Variants in MELTF observed in about 807,000 individuals in gnomAD.
MELTF encodes antigen p97 (melanoma associated) identified by monoclonal antibodies 133.2 and 96.5.
A neutral mutation model predicts 83.7 loss-of-function variants in MELTF; 67 were observed. That is an observed-to-expected ratio of 0.80 (90% confidence interval 0.66 to 0.98). MELTF has a LOEUF of 0.98. Among genes scored for constraint, MELTF ranks in the 50% least tolerant of loss-of-function variants. The pLI is 0.00. For missense variants in MELTF, 1,002 were observed against 1,035.6 expected, an observed-to-expected ratio of 0.97 and a Z score of 0.44; for synonymous variants, 462 against 447.6, an observed-to-expected ratio of 1.03 and a Z score of -0.41.
chr3:197,009,738 C>T lies in MELTF; in HGVS notation c.1405G>A (p.Glu469Lys). Residue 469 changes from glutamate (E) to lysine (K), a missense_variant, in exon 11 of 16, where the codon GAG becomes AAG. Coordinates refer to ENST00000296350, the MANE Select transcript of MELTF (RefSeq NM_005929.6). ...RDSSHAFTLD[E>K]LRGKRSCHAG... ...TGGCAGGAGCGCTTGCCCCGAAGCT[C>T]ATCCAAGGTGAAGGCGTGGGAGCTG... 6.2e-7 allele frequency: 1 copy of T among 1,613,598 alleles called. No individual in the cohort carries two copies. The highest frequency in any genetic ancestry group is 8.5e-7 in the Non-Finnish European group (1 of 1,180,028).
At chr3:197,020,715 C>A (rs1375349202) in intron 6 of MELTF, among the ~76,000 whole-genome samples, 1 of 151,970 alleles carries the variant, frequency 6.6e-6, no homozygotes, top group Non-Finnish European at 1.5e-5. Context: ...TGTCACCAGG[C>A]TGGAGTGCAG....
chr3:197,009,519 G>T, intron 11 of MELTF, 99 bp downstream of exon 11: 2 of 1,238,136 alleles, frequency 1.6e-6, no homozygotes, highest in Non-Finnish European at 2.3e-6. Context: ...CAGAAGCCTG[G>T]CCACCTTCCA....
In MELTF at chr3:197,007,416, C is replaced by G. The variant is rs1719018189; in HGVS notation, c.1751-680G>C. Among the ~76,000 whole-genome samples the G allele has an allele frequency of 6.6e-6, 1 of 152,202 alleles. No homozygotes were observed. The highest frequency in any genetic ancestry group is 1.5e-5 in the Non-Finnish European group (1 of 68,040). On this transcript the variant is annotated intron_variant, in intron 13 of 15. Transcript: ENST00000296350. The surrounding 1 kb of genome is among the most constrained non-coding windows in gnomAD (Gnocchi z 4.3). ...TTAGTATCCATCCTCCTCCCATTTCCAGGAAATCCAGGTGGGCCTTGAGGA... is the reference window on the plus strand; with the variant it reads ...TTAGTATCCATCCTCCTCCCATTTCGAGGAAATCCAGGTGGGCCTTGAGGA...
Position 197,002,733 on chromosome 3 carries a change from C to G in MELTF, c.*639G>C, listed in dbSNP as rs912336275. 1.3e-5 allele frequency: 2 copies of G among 152,294 alleles called. No homozygotes were observed. The highest frequency in any genetic ancestry group is 4.8e-5 in the African/African-American group (2 of 41,454). 9.4% of individuals were successfully genotyped at this position (152,294 alleles called of 1,614,324 possible). A position where few individuals can be genotyped will look rare whatever the true frequency, so the allele number is the denominator to read the frequency against. On this transcript the variant is annotated 3_prime_UTR_variant, in exon 16 of 16. Transcript: ENST00000296350. ...CGGCTGGCCCGGGATGGAGCTGGCG[C>G]GGCCACAGTGGGGGACGAGGCAGGG...
At chr3:197,028,431 A>G (rs976809690) in intron 1 of MELTF, 1 of 155,220 alleles carries the variant, frequency 6.4e-6, no homozygotes, top group Admixed American at 6.3e-5. Context: ...CTGGCTGCAA[A>G]GCCACCCTCG....
rs778982942 is a variant in MELTF, at chr3:197,023,088, G to A, written c.513C>T (p.Ser171=). The change falls in exon 5 of 16, where the codon AGC becomes AGT. Residue 171 remains serine, a synonymous_variant. Coordinates refer to ENST00000296350, the MANE Select transcript of MELTF (RefSeq NM_005929.6). ...LKAVSDYFGG[S]CVPGAGETSY... The stretch of plus-strand genomic sequence containing the variant: ...TGGTCTCTCCTGCCCCCGGGACGCA[G>A]CTGCCCCCAAAATAGTCGCTGACAG... 10 of 1,613,798 alleles carry A rather than the reference G, an allele frequency of 6.2e-6. 1 individual carries two copies. Among genetic ancestry groups the A allele is most frequent in the Non-Finnish European group, 7.6e-6 (9 of 1,180,024 alleles).
chr3:197,022,914 C>T lies in MELTF; in HGVS notation c.644+43G>A, dbSNP rs368905694. ...TTTTCCCCAGCATTTGTGGCCTCAG[C>T]TCCTCCCTGCCCTCGGCCCCTCCCT... On this transcript the variant is annotated intron_variant, in intron 5 of 15. Coordinates refer to ENST00000296350, the MANE Select transcript of MELTF (RefSeq NM_005929.6). This position sits in a 1 kb window ranked among gnomAD's most constrained non-coding sequence, Gnocchi z 5.1. The T allele has an allele frequency of 6.4e-7, 1 of 1,565,518 alleles. No individual in the cohort carries two copies. The highest frequency in any genetic ancestry group is 8.7e-7 in the Non-Finnish European group (1 of 1,156,022).
rs952317189 is a variant in MELTF at position 197,029,627 on chromosome 3, C to T, written c.49+27G>A. ...CGCGGCGCCCCGGGACCCCCGCCCG[C>T]CTTTGGCTCTCACAGCGGGGCCTCA... On this transcript the variant is annotated intron_variant, in intron 1 of 15. Transcript: ENST00000296350. The surrounding 1 kb of genome is among the most constrained non-coding windows in gnomAD (Gnocchi z 6.5). 3 of 1,241,554 alleles carry T rather than the reference C, an allele frequency of 2.4e-6. No individual in the cohort carries two copies. The highest frequency in any genetic ancestry group is 3.0e-6 in the Non-Finnish European group (3 of 993,338). 76.9% of individuals were successfully genotyped at this position (1,241,554 alleles called of 1,614,324 possible).
intron 3 of MELTF, chr3:197,025,876 G>C (rs1227303419): frequency 6.6e-6 from 1 of 151,456 alleles, no homozygotes; most frequent in Non-Finnish European, 1.5e-5. Flanking sequence ...GCAGGCAGAG[G>C]CTTGCAGAGG....
chr3:197,014,406 T>TTTTG (rs1719288788), intron 9 of MELTF, among the ~76,000 whole-genome samples: 3 of 147,958 alleles, frequency 2.0e-5, no homozygotes, highest in Admixed American at 6.7e-5. Flanking sequence ...TTTTTTTTTT[T>TTTTG]GAGACAGTCT....
At chr3:197,017,540 T>C (rs1176856691) in intron 6 of MELTF, among the ~76,000 whole-genome samples, 2 of 152,198 alleles carry the variant, frequency 1.3e-5, no homozygotes, top group Non-Finnish European at 2.9e-5. Context: ...CTGACAGTAA[T>C]ACAATACTTA....
Position 197,029,565 on chromosome 3 carries a change from A to G in MELTF, c.49+89T>C. ...CTCACTGCCCCGGAGCCGCAGGCTC[A>G]GGCACATTTCCAGCCCCGGGACCTG... On this transcript the variant is annotated intron_variant, in intron 1 of 15. Coordinates refer to ENST00000296350, the MANE Select transcript of MELTF (RefSeq NM_005929.6). This position sits in a 1 kb window ranked among gnomAD's most constrained non-coding sequence, Gnocchi z 6.5. The G allele has an allele frequency of 9.2e-7, 1 of 1,084,612 alleles. No homozygotes were observed. 67.2% of individuals were successfully genotyped at this position (1,084,612 alleles called of 1,614,324 possible). A position where few individuals can be genotyped will look rare whatever the true frequency, so the allele number is the denominator to read the frequency against.
At chr3:197,010,916 T>A (rs1719166509) in intron 9 of MELTF, 122 bp from the exon 10 acceptor site, 1 of 793,650 alleles carries the variant, frequency 1.3e-6, no homozygotes, top group African/African-American at 1.7e-5. Context: ...TTCCTTCCCC[T>A]GGGGAATGTG....
In MELTF at chr3:197,024,296, C is replaced by T; in HGVS notation, c.487+7G>A. On this transcript the variant is annotated splice_region_variant and intron_variant, in intron 4 of 15. Transcript: ENST00000296350. The surrounding 1 kb of genome is among the most constrained non-coding windows in gnomAD (Gnocchi z 5.3). ...GGGGACCCTCCTGCCCAGCCCAAAG[C>T]CCTCACCTTTGAGTACATCGCAGCC... 2 of 1,552,018 alleles carry T rather than the reference C, an allele frequency of 1.3e-6. No individual in the cohort carries two copies. Among genetic ancestry groups the T allele is most frequent in the Non-Finnish European group, 1.7e-6 (2 of 1,145,356 alleles).
chr3:197,014,971 G>A (rs1437152529), intron 9 of MELTF, among the ~76,000 whole-genome samples: 1 of 152,146 alleles, frequency 6.6e-6, no homozygotes, highest in South Asian at 2.1e-4. Context: ...AATGATCCAC[G>A]CCCACTCTCT....
In MELTF at chr3:197,002,943, TCCTGGGACGG is replaced by T. The variant is rs1219113581; in HGVS notation, c.*419_*428del. 15 of 151,068 alleles carry T rather than the reference TCCTGGGACGG, an allele frequency of 9.9e-5. No homozygotes were observed. The highest frequency in any genetic ancestry group is 3.6e-4 in the African/African-American group (15 of 41,268). 9.4% of individuals were successfully genotyped at this position (151,068 alleles called of 1,614,324 possible). A position where few individuals can be genotyped will look rare whatever the true frequency, so the allele number is the denominator to read the frequency against. The stretch of plus-strand genomic sequence containing the variant: ...GCCGGGTCCCGTTGGCGCCGGGGCC[TCCTGGGACGG>T]CCTGGCCGCGGCCTGCGGGTGTAGG... On this transcript the variant is annotated 3_prime_UTR_variant, in exon 16 of 16. Coordinates refer to ENST00000296350, the MANE Select transcript of MELTF (RefSeq NM_005929.6).
At chr3:197,020,199 G>C (rs1229372655) in intron 6 of MELTF, among the ~76,000 whole-genome samples, 9 of 152,172 alleles carry the variant, frequency 5.9e-5, no homozygotes, top group Non-Finnish European at 7.3e-5. Flanking sequence ...CAAAGACTGA[G>C]AAACTGTTCC....
intron 3 of MELTF, among the ~76,000 whole-genome samples, chr3:197,025,340 G>A (rs768750564): frequency 2.4e-4 from 36 of 152,240 alleles, no homozygotes; most frequent in Non-Finnish European, 3.4e-4. Context: ...GAGTAGCTCC[G>A]TCTGGTACCA....
rs779065006 is a variant in MELTF at position 197,027,882 on chromosome 3, G to A, written c.78C>T (p.Cys26=). 35 of 1,601,724 alleles carry A rather than the reference G, an allele frequency of 2.2e-5. No homozygotes were observed. Among genetic ancestry groups the A allele is most frequent in the South Asian group, 1.9e-4 (17 of 90,314 alleles). The part of the protein sequence containing the change: ...TVLGGMEVRW[C]ATSDPEQHKC... ...TGTGCTGCTCTGGGTCCGAGGTGGC[G>A]CACCACCGCACCTCCATGCCACCGA... The change falls in exon 2 of 16, where the codon TGC becomes TGT. Residue 26 remains cysteine, a synonymous_variant. Transcript: ENST00000296350.
Sources: allele counts gnomAD v4.1 joint callset (sites outside exome capture counted in the v4.1 genomes callset), GRCh38; gene constraint gnomAD v4.1.1; non-coding constraint Gnocchi (gnomAD v3.1); transcripts MANE v1.5; gene names NCBI Gene and HGNC (gene_info 2026-07-23, HGNC 2026-07-21).